TRDMT1: variants seen among roughly 807,000 people sequenced by gnomAD.
The protein encoded by TRDMT1 is tRNA (cytosine(38)-C(5))-methyltransferase.
A neutral mutation model predicts 51.2 loss-of-function variants in TRDMT1; 49 were observed. The observed-to-expected ratio is 0.96, with a 90% confidence interval of 0.76 to 1.21. TRDMT1 has a LOEUF of 1.21. TRDMT1 is among the 50% of genes most tolerant of loss of function. The pLI is 0.00. For missense variants in TRDMT1, 534 were observed against 462.3 expected (o/e 1.16, Z -1.42); for synonymous variants, 187 against 164.6 (o/e 1.14, Z -1.04).
At chr10:17,162,611 G>C (rs1486967288) in intron 3 of TRDMT1, among the ~76,000 whole-genome samples, 1 of 152,136 alleles carries the variant, frequency 6.6e-6, no homozygotes, top group Non-Finnish European at 1.5e-5. Flanking sequence ...GGAAGGCTGA[G>C]GTGGGCAGAA....
chr10:17,156,246 T>C (rs911917376), intron 8 of TRDMT1, among the ~76,000 whole-genome samples: 3 of 152,044 alleles, frequency 2.0e-5, no homozygotes, highest in African/African-American at 7.2e-5. Flanking sequence ...TTTCTTTTTT[T>C]TTTTTTGAGA....
chr10:17,138,283 C>T lies in TRDMT1; in HGVS notation c.*10757G>A, dbSNP rs1194485617. Among the ~76,000 whole-genome samples, 3 of 152,158 alleles carry T rather than the reference C, an allele frequency of 2.0e-5. No homozygotes were observed. The highest frequency in any genetic ancestry group is 2.0e-4 in the Admixed American group (3 of 15,268). ...TTAATGGAAACATTTGTGAATATAA[C>T]GATCTTTTAACCTTCATGACACTTA... is the stretch of plus-strand genomic sequence containing the variant. On this transcript the variant is annotated 3_prime_UTR_variant, in exon 11 of 11. Transcript: ENST00000377799.
rs1011180199 is a variant in TRDMT1 at position 17,144,879 on chromosome 10, A to G, written c.*4161T>C. 3 of 985,270 alleles carry G rather than the reference A, an allele frequency of 3.0e-6. No homozygotes were observed. The African/African-American group carries it at 5.2e-5, about 17-fold the overall frequency. The allele number at this position is 985,270 out of a possible 1,614,324, so 61.0% of individuals were successfully genotyped here. A position where few individuals can be genotyped will look rare whatever the true frequency, so the allele number is the denominator to read the frequency against. On this transcript the variant is annotated 3_prime_UTR_variant, in exon 11 of 11. Transcript: ENST00000377799. Reference sequence around the variant, plus strand: ...AAGACAAGAAATAGTGAAAGGGAAAATGATGCACACAGGTTGACTCATGCA... The same window carrying G: ...AAGACAAGAAATAGTGAAAGGGAAAGTGATGCACACAGGTTGACTCATGCA...
intron 1 of TRDMT1, among the ~76,000 whole-genome samples, chr10:17,197,422 G>T (rs1436040529): frequency 6.6e-6 from 1 of 152,152 alleles, no homozygotes; most frequent in African/African-American, 2.4e-5. Flanking sequence ...AAGCATCTAT[G>T]TAGTGACTGT....
intron 1 of TRDMT1, among the ~76,000 whole-genome samples, chr10:17,191,853 T>C (rs1249266557): frequency 6.6e-6 from 1 of 152,158 alleles, no homozygotes; most frequent in East Asian, 1.9e-4. Context: ...TCAGGTTTTG[T>C]GATCTGACTC....
At chr10:17,157,849 G>C in intron 7 of TRDMT1, 65 bp from the exon 8 acceptor site, 1 of 1,278,636 alleles carries the variant, frequency 7.8e-7, no homozygotes, top group Non-Finnish European at 1.1e-6. Context: ...AATTAACAAT[G>C]TCCAGTCAAC....
chr10:17,196,338 A>G (rs1845426890), intron 1 of TRDMT1, among the ~76,000 whole-genome samples: 1 of 152,266 alleles, frequency 6.6e-6, no homozygotes, highest in Non-Finnish European at 1.5e-5. Context: ...ATTTGACTAT[A>G]TAGAAAACAG....
rs1837475231 is a variant in TRDMT1 at position 17,138,140 on chromosome 10, A to C, written c.*10900T>G. Among the ~76,000 whole-genome samples the C allele has an allele frequency of 6.6e-6, 1 of 152,172 alleles. No individual in the cohort carries two copies. Among genetic ancestry groups the C allele is most frequent in the South Asian group, 2.1e-4 (1 of 4,822 alleles). On this transcript the variant is annotated 3_prime_UTR_variant, in exon 11 of 11. Coordinates refer to ENST00000377799, the MANE Select transcript of TRDMT1 (RefSeq NM_004412.7). ...AATTGGCAAGATTCTCACACCCCTA[A>C]TGCTAGCTCCCATTACATGTTATAG...
intron 2 of TRDMT1, among the ~76,000 whole-genome samples, chr10:17,172,756 T>C (rs952747076): frequency 6.6e-6 from 1 of 152,200 alleles, no homozygotes; most frequent in African/African-American, 2.4e-5. Context: ...TTAATAGATA[T>C]TTGACTATTT....
intron 5 of TRDMT1, 71 bp downstream of exon 5, chr10:17,161,412 T>C (rs1840339151): frequency 8.7e-7 from 1 of 1,152,580 alleles, no homozygotes; most frequent in Non-Finnish European, 1.1e-6. Flanking sequence ...TTAAGATTTT[T>C]ATTTCACAAC....
At chr10:17,198,125 A>G (rs1051806932) in intron 1 of TRDMT1, among the ~76,000 whole-genome samples, 2 of 152,212 alleles carry the variant, frequency 1.3e-5, no homozygotes, top group Non-Finnish European at 2.9e-5. Flanking sequence ...ATGATTTCAT[A>G]TCCATCAGAA....
rs1031121375 is a variant in TRDMT1, at chr10:17,141,870, G to A, written c.*7170C>T. On this transcript the variant is annotated 3_prime_UTR_variant, in exon 11 of 11. Transcript: ENST00000377799. Reference sequence around the variant, plus strand: ...TCATAATTAAATTTCTGAAAATAAAGTTAATGTAACAGACAAAATGTCCAG... The same window carrying A: ...TCATAATTAAATTTCTGAAAATAAAATTAATGTAACAGACAAAATGTCCAG... Among the ~76,000 whole-genome samples, 5 of 152,138 alleles carry A rather than the reference G, an allele frequency of 3.3e-5. No individual in the cohort carries two copies. The highest frequency in any genetic ancestry group is 1.2e-4 in the African/African-American group (5 of 41,420).
chr10:17,172,132 C>T (rs1842114020), intron 2 of TRDMT1: 1 of 164,862 alleles, frequency 6.1e-6, no homozygotes, highest in African/African-American at 2.4e-5. Flanking sequence ...AAGGTCCAAG[C>T]ACTACAAATA....
rs1308528526 is a variant in TRDMT1, at chr10:17,174,629, GGCAGCCACCACTTGT to G, written c.81_95del (p.Gln28_Ala32del). ...CATTAGCGACAGTGTTGACATCAAT[GGCAGCCACCACTTGT>G]GCAGGTATACAGCTTTCTGTAATGA... On this transcript the variant is annotated inframe_deletion, in exon 2 of 11. Transcript: ENST00000377799. 1 of 1,613,952 alleles carries G rather than the reference GGCAGCCACCACTTGT, an allele frequency of 6.2e-7. No homozygotes were observed. Among genetic ancestry groups the G allele is most frequent in the East Asian group, 2.2e-5 (1 of 44,864 alleles).
Position 17,149,047 on chromosome 10 carries a change from T to C in TRDMT1, c.1169A>G (p.Tyr390Cys), listed in dbSNP as rs781131034. ...HVVAKLIKIL[Y>C]E Reference sequence around the variant, plus strand: ...TTCAGAGTTATTTCAAAATTATTCATATAAGATTTTGATTAGTTTAGCTAC... The same window carrying C: ...TTCAGAGTTATTTCAAAATTATTCACATAAGATTTTGATTAGTTTAGCTAC... The change falls in exon 11 of 11, where the codon TAT (tyrosine) becomes TGT (cysteine). Residue 390 changes from tyrosine to cysteine, a missense_variant. By Grantham distance (194) the Tyr-to-Cys change is radical. Coordinates refer to ENST00000377799, the MANE Select transcript of TRDMT1 (RefSeq NM_004412.7). 8 of 1,603,990 alleles carry C rather than the reference T, an allele frequency of 5.0e-6. No individual in the cohort carries two copies. Among genetic ancestry groups the C allele is most frequent in the African/African-American group, 1.3e-5 (1 of 74,606 alleles).
chr10:17,188,158 A>G (rs1844191963), intron 1 of TRDMT1, among the ~76,000 whole-genome samples: 1 of 151,226 alleles, frequency 6.6e-6, no homozygotes. Context: ...GGAAAAGGGT[A>G]TTTATCCCAT....
chr10:17,138,213 T>C lies in TRDMT1; in HGVS notation c.*10827A>G, dbSNP rs1251403244. Among the ~76,000 whole-genome samples, 1 of 152,240 alleles carries C rather than the reference T, an allele frequency of 6.6e-6. No individual in the cohort carries two copies. The highest frequency in any genetic ancestry group is 1.5e-5 in the Non-Finnish European group (1 of 68,046). Reference sequence around the variant, plus strand: ...TTTTTAGTCCCTTTTCATTTTCATATCAGTTTAAAACAGAACACTGTAGAA... The same window carrying C: ...TTTTTAGTCCCTTTTCATTTTCATACCAGTTTAAAACAGAACACTGTAGAA... On this transcript the variant is annotated 3_prime_UTR_variant, in exon 11 of 11. Transcript: ENST00000377799.
intron 1 of TRDMT1, among the ~76,000 whole-genome samples, chr10:17,175,252 A>G (rs1310007034): frequency 1.3e-5 from 2 of 152,238 alleles, no homozygotes; most frequent in Non-Finnish European, 2.9e-5. Context: ...ATTTACCAAC[A>G]TTTTAAATGT....
At position 17,143,541 on chromosome 10, in the gene TRDMT1, G is replaced by A. The variant is rs1281759395; in HGVS notation, c.*5499C>T. 2.0e-6 allele frequency: 2 copies of A among 985,396 alleles called. No homozygotes were observed. Among genetic ancestry groups the A allele is most frequent in the South Asian group, 4.7e-5 (1 of 21,282 alleles). The allele number at this position is 985,396 out of a possible 1,614,324, so 61.0% of individuals were successfully genotyped here. ...GACTTGTGTAAGGAACCAGCTAAGT[G>A]AGTAAAATAGCAAATATTTTAGTAA... On this transcript the variant is annotated 3_prime_UTR_variant, in exon 11 of 11. Transcript: ENST00000377799.
Sources: allele counts gnomAD v4.1 joint callset (sites outside exome capture counted in the v4.1 genomes callset), GRCh38; gene constraint gnomAD v4.1.1; transcripts MANE v1.5; gene names NCBI Gene and HGNC (gene_info 2026-07-23, HGNC 2026-07-21).